FUT8: variants seen among roughly 807,000 people sequenced by gnomAD.
FUT8 encodes the protein alpha-(1,6)-fucosyltransferase.
Under a neutral mutation model 71.3 loss-of-function variants are expected in FUT8, and 29 were observed. That is an observed-to-expected ratio of 0.41 (90% CI 0.30 to 0.55). The LOEUF is 0.55. FUT8 is among the 20% of genes least tolerant of loss of function. The pLI, the probability that FUT8 is intolerant of heterozygous loss-of-function variation, is 0.34. For synonymous variants in FUT8, 254 were observed against 239.3 expected, an observed-to-expected ratio of 1.06 and a Z score of -0.57; for missense variants, 544 against 702.1, an observed-to-expected ratio of 0.77 and a Z score of 2.55.
intron 7 of FUT8, among the ~76,000 whole-genome samples, chr14:65,697,665 G>A (rs530028522): frequency 5.3e-5 from 8 of 152,286 alleles, no homozygotes; most frequent in East Asian, 1.9e-4. Flanking sequence ...GGCCAGGTGC[G>A]GTGGCTCACG....
rs1491251493 is a variant in FUT8 at position 65,439,991 on chromosome 14, T to TATATATATATAC, written c.-325-15630_-325-15629insATATATATATAC. 6.3e-4 allele frequency among the ~76,000 whole-genome samples: 85 copies of TATATATATATAC among 134,238 alleles called. 1 individual carries two copies. The highest frequency in any genetic ancestry group is 8.7e-4 in the Non-Finnish European group (54 of 62,012). The allele number at this position is 134,238 out of a possible 152,430, so 88.1% of individuals were successfully genotyped here. On this transcript the variant is annotated intron_variant, in intron 1 of 10. Coordinates refer to ENST00000673929, the MANE Select transcript of FUT8 (RefSeq NM_001371533.1). The stretch of plus-strand genomic sequence containing the variant: ...ATATATATATATATATATATATATA[T>TATATATATATAC]GTACACACACACAGTGGAATACTGT...
rs200073995 is a variant in FUT8, at chr14:65,477,971, A to AGTCTAGAT, written c.-228+22254_-228+22261dup. 9.8e-3 allele frequency among the ~76,000 whole-genome samples: 1,497 copies of AGTCTAGAT among 152,212 alleles called. 19 individuals are homozygous for AGTCTAGAT. Among genetic ancestry groups the AGTCTAGAT allele is most frequent in the African/African-American group, 0.031 (1,276 of 41,526 alleles). ...GAAAAGTCAGAAACTAATATAGCCAAGTCTAGATTGTATCTGTTATAAACT... is the reference window on the plus strand; with the variant it reads ...GAAAAGTCAGAAACTAATATAGCCAAGTCTAGATGTCTAGATTGTATCTGTTATAAACT... On this transcript the variant is annotated intron_variant, in intron 2 of 10. Coordinates refer to ENST00000673929, the MANE Select transcript of FUT8 (RefSeq NM_001371533.1).
chr14:65,654,120 G>A lies in FUT8; in HGVS notation c.598-15123G>A, dbSNP rs571673725. On this transcript the variant is annotated intron_variant, in intron 6 of 10. Transcript: ENST00000673929. ...AGAAGCAAAATTTTTTACAATGGCC[G>A]ATGTGGTTCTTAATGTTTATGAAGG... Among the ~76,000 whole-genome samples, 24 of 152,236 alleles carry A rather than the reference G, an allele frequency of 1.6e-4. 1 individual carries two copies. In the South Asian group the frequency reaches 4.4e-3, roughly 28 times the overall value.
At chr14:65,685,654 A>G (rs1022328125) in intron 7 of FUT8, among the ~76,000 whole-genome samples, 1 of 152,220 alleles carries the variant, frequency 6.6e-6, no homozygotes, top group Non-Finnish European at 1.5e-5. Flanking sequence ...TTCTTGTTAC[A>G]TGCTAAACAG....
At chr14:65,625,379 C>G (rs1889846833) in intron 5 of FUT8, among the ~76,000 whole-genome samples, 1 of 152,086 alleles carries the variant, frequency 6.6e-6, no homozygotes, top group South Asian at 2.1e-4. Context: ...TAAAAAAATA[C>G]TGTAGTCTAC....
intron 2 of FUT8, among the ~76,000 whole-genome samples, chr14:65,554,692 T>G (rs991360131): frequency 2.2e-4 from 33 of 152,238 alleles, no homozygotes; most frequent in African/African-American, 7.7e-4. Context: ...AAACTTGAAA[T>G]TCCTGCAGTA....
At chr14:65,629,398 C>A in intron 5 of FUT8, 94 bp from the exon 6 acceptor site, 2 of 737,612 alleles carry the variant, frequency 2.7e-6, no homozygotes, top group Non-Finnish European at 4.7e-6. Context: ...GAGCATCAAT[C>A]TTTATGAGGA....
In FUT8 at chr14:65,660,067, G is replaced by C; in HGVS notation, c.598-9176G>C. ...ATGTAACTCAACTTCTGTATCCTTG[G>C]AGGTAGTTTTATTTACATTATATTC... On this transcript the variant is annotated intron_variant, in intron 6 of 10. Coordinates refer to ENST00000673929, the MANE Select transcript of FUT8 (RefSeq NM_001371533.1). This position sits in a 1 kb window ranked among gnomAD's most constrained non-coding sequence, Gnocchi z 4.1. Among the ~76,000 whole-genome samples the C allele has an allele frequency of 6.6e-6, 1 of 152,096 alleles. No individual in the cohort carries two copies. The highest frequency in any genetic ancestry group is 1.9e-4 in the East Asian group (1 of 5,192).
chr14:65,693,855 T>C (rs1893844017), intron 7 of FUT8, among the ~76,000 whole-genome samples: 2 of 152,260 alleles, frequency 1.3e-5, no homozygotes, highest in Non-Finnish European at 1.5e-5. Context: ...TTGTTTATTC[T>C]ATTTCTTTGA....
intron 9 of FUT8, among the ~76,000 whole-genome samples, chr14:65,726,197 G>T (rs72716430): frequency 0.13 from 19,927 of 152,248 alleles, 1,778 homozygotes; most frequent in South Asian, 0.26. Flanking sequence ...TTGTAGCTTG[G>T]TTGAAGAAAA....
intron 9 of FUT8, among the ~76,000 whole-genome samples, chr14:65,725,965 C>T (rs1269180268): frequency 6.6e-6 from 1 of 152,280 alleles, no homozygotes; most frequent in Middle Eastern, 3.4e-3. Context: ...ATTCAAGGCT[C>T]CCTCTCTTGA....
chr14:65,733,448 T>C lies in FUT8; in HGVS notation c.1410+67T>C, dbSNP rs1274238259. The stretch of plus-strand genomic sequence containing the variant: ...GGTTGTATAGGAGTCAGAAAAATTA[T>C]TTGTGTGTCTATGTGTTGTTAATGT... On this transcript the variant is annotated intron_variant, in intron 10 of 10. Coordinates refer to ENST00000673929, the MANE Select transcript of FUT8 (RefSeq NM_001371533.1). The C allele has an allele frequency of 1.3e-5, 16 of 1,194,038 alleles. No individual in the cohort carries two copies. In the East Asian group the frequency reaches 3.6e-4, roughly 27 times the overall value. 74.0% of individuals were successfully genotyped at this position (1,194,038 alleles called of 1,614,324 possible).
chr14:65,429,610 T>C (rs2065438646), intron 1 of FUT8, among the ~76,000 whole-genome samples: 1 of 152,138 alleles, frequency 6.6e-6, no homozygotes, highest in Admixed American at 6.5e-5. Flanking sequence ...ATGCCTGTAA[T>C]CACAGCATTT....
At chr14:65,358,628 T>G in the FUT8 span, among the ~76,000 whole-genome samples, 2 of 152,088 alleles carry the variant, frequency 1.3e-5, no homozygotes, top group African/African-American at 4.8e-5. Context: ...GTGGTTTTGG[T>G]AGAGATGGAT....
At chr14:65,536,972 T>C (rs537807710) in intron 2 of FUT8, among the ~76,000 whole-genome samples, 1,592 of 146,364 alleles carry the variant, frequency 0.011, 31 homozygotes, top group African/African-American at 0.037. Flanking sequence ...TCTTCTTCTT[T>C]TTTTTTTTTT....
the FUT8 span, among the ~76,000 whole-genome samples, chr14:65,391,475 C>T: frequency 2.0e-5 from 3 of 152,198 alleles, no homozygotes; most frequent in East Asian, 5.8e-4. Flanking sequence ...CCTGCCTCAG[C>T]CTCAAGAGTA....
At chr14:65,437,337 T>C (rs2065577058) in intron 1 of FUT8, among the ~76,000 whole-genome samples, 1 of 152,168 alleles carries the variant, frequency 6.6e-6, no homozygotes, top group African/African-American at 2.4e-5. Context: ...TGAAGTAGAA[T>C]TAGGAAAGAA....
chr14:65,450,808 T>A (rs934232075), intron 1 of FUT8, among the ~76,000 whole-genome samples: 1 of 151,998 alleles, frequency 6.6e-6, no homozygotes, highest in African/African-American at 2.4e-5. Flanking sequence ...TTTCCCTGAC[T>A]CCTTTGTGGG....
chr14:65,571,248 A>G (rs938223030), intron 3 of FUT8, among the ~76,000 whole-genome samples: 6 of 152,152 alleles, frequency 3.9e-5, no homozygotes, highest in African/African-American at 1.4e-4. Flanking sequence ...GGATTTAGGT[A>G]GGTTGAACTT....
Sources: gnomAD v4.1 joint callset for allele counts (sites outside exome capture counted in the v4.1 genomes callset) on GRCh38, gnomAD v4.1.1 for gene constraint, Gnocchi (gnomAD v3.1) non-coding constraint, MANE v1.5 for transcripts, NCBI Gene and HGNC (gene_info 2026-07-23, HGNC 2026-07-21) for gene names.